STX8: variants seen among roughly 807,000 people sequenced by gnomAD.
STX8 encodes the protein syntaxin-8.
Under a neutral mutation model 37.5 loss-of-function variants are expected in STX8, and 23 were observed. The ratio of observed to expected loss-of-function variants is 0.61; its 90% CI spans 0.44 to 0.87. The LOEUF is 0.87. Among genes scored for constraint, STX8 ranks in the 40% least tolerant of loss-of-function variants. The probability of loss-of-function intolerance (pLI) is 0.00; values close to 1 mark genes in which losing one functional copy is unlikely to be tolerated. For synonymous variants in STX8, 115 were observed against 99.1 expected (o/e 1.16, Z -0.95); for missense variants, 313 against 284.7 (o/e 1.10, Z -0.71).
chr17:9,385,289 A>C (rs1254903597), intron 6 of STX8, among the ~76,000 whole-genome samples: 1 of 152,182 alleles, frequency 6.6e-6, no homozygotes, highest in Middle Eastern at 3.2e-3. Flanking sequence ...AGCATATGTA[A>C]AAGTGGACAT....
chr17:9,357,164 C>T (rs912458278), intron 7 of STX8, among the ~76,000 whole-genome samples: 1 of 151,620 alleles, frequency 6.6e-6, no homozygotes, highest in African/African-American at 2.4e-5. Context: ...GGGGTTTCGC[C>T]ATGTTGGCCA....
In STX8 at chr17:9,398,010, A is replaced by G. The variant is rs1025180747; in HGVS notation, c.542-19357T>C. ...CTCCAAAAAAAAAAAAGAAAGAAAG[A>G]ACAAACAAAATAACATGATTGAATA... is the stretch of plus-strand genomic sequence containing the variant. On this transcript the variant is annotated intron_variant, in intron 6 of 7. Transcript: ENST00000306357. Among the ~76,000 whole-genome samples the G allele has an allele frequency of 4.0e-4, 59 of 146,022 alleles. 1 individual carries two copies. The highest frequency in any genetic ancestry group is 2.1e-4 in the Admixed American group (3 of 14,434).
chr17:9,421,253 A>T (rs1474943630), intron 6 of STX8, among the ~76,000 whole-genome samples: 1 of 151,832 alleles, frequency 6.6e-6, no homozygotes, highest in Non-Finnish European at 1.5e-5. Context: ...TTAGCCGGGC[A>T]TGGTGGCGCA....
intron 7 of STX8, among the ~76,000 whole-genome samples, chr17:9,329,534 C>T (rs990926679): frequency 9.2e-5 from 14 of 152,164 alleles, no homozygotes; most frequent in African/African-American, 2.9e-4. Context: ...CAGAAAGACC[C>T]AATTATGAAG....
chr17:9,439,764 G>C (rs937178225), intron 6 of STX8, among the ~76,000 whole-genome samples: 9 of 152,000 alleles, frequency 5.9e-5, no homozygotes, highest in African/African-American at 1.9e-4. Flanking sequence ...AAAGTGCTGG[G>C]ATTACAGGCG....
At chr17:9,452,659 G>A (rs1026110279) in intron 6 of STX8, among the ~76,000 whole-genome samples, 8 of 152,144 alleles carry the variant, frequency 5.3e-5, no homozygotes, top group Admixed American at 3.3e-4. Context: ...AGGTGTAGGC[G>A]AGCACCTGAA....
intron 7 of STX8, among the ~76,000 whole-genome samples, chr17:9,313,190 TA>T (rs1313004219): frequency 6.6e-6 from 1 of 151,634 alleles, no homozygotes; most frequent in Non-Finnish European, 1.5e-5. Flanking sequence ...AAACTCTGTC[TA>T]AAAAAAAGAA....
At chr17:9,509,031 G>T (rs538092630) in intron 4 of STX8, among the ~76,000 whole-genome samples, 2 of 152,272 alleles carry the variant, frequency 1.3e-5, no homozygotes, top group East Asian at 3.9e-4. Context: ...GGCAGATCAC[G>T]ATGTCAGGAG....
At chr17:9,538,136 C>T (rs6503227) in intron 4 of STX8, among the ~76,000 whole-genome samples, 85,451 of 152,032 alleles carry the variant, frequency 0.56, 25,696 homozygotes, top group East Asian at 0.84. Flanking sequence ...TTAGTAACTC[C>T]TTGGGGTTCA....
At chr17:9,339,220 G>A (rs547090357) in intron 7 of STX8, among the ~76,000 whole-genome samples, 9 of 152,236 alleles carry the variant, frequency 5.9e-5, no homozygotes, top group African/African-American at 1.7e-4. Context: ...CTTGGCATGC[G>A]GCTGCTCAGG....
intron 6 of STX8, among the ~76,000 whole-genome samples, chr17:9,477,825 C>G (rs1304549620): frequency 6.6e-6 from 1 of 152,118 alleles, no homozygotes; most frequent in African/African-American, 2.4e-5. Flanking sequence ...GGCTGTGGCC[C>G]AAGGTGGGTG....
At chr17:9,356,423 T>A (rs1416686318) in intron 7 of STX8, among the ~76,000 whole-genome samples, 1 of 152,166 alleles carries the variant, frequency 6.6e-6, no homozygotes, top group Non-Finnish European at 1.5e-5. Context: ...GGAGAATATA[T>A]GTTGCACATC....
intron 6 of STX8, among the ~76,000 whole-genome samples, chr17:9,485,137 A>AATG (rs4063147): frequency 1.0e-3 from 157 of 152,064 alleles, no homozygotes; most frequent in African/African-American, 3.7e-3. Flanking sequence ...AAAAAAAATT[A>AATG]TAATAAGATC....
At chr17:9,493,712 CTGTTT>C (rs1567585166) in intron 5 of STX8, among the ~76,000 whole-genome samples, 1 of 152,212 alleles carries the variant, frequency 6.6e-6, no homozygotes, top group Non-Finnish European at 1.5e-5. Context: ...CCTGCTAGTT[CTGTTT>C]TGAGAGTTCT....
At position 9,557,516 on chromosome 17, in the gene STX8, T is replaced by C. The variant is rs1482386409; in HGVS notation, c.130A>G (p.Ile44Val). ...GEKAPKLTVT[I>V]RALLQNLKEK... ...TTCAGGTTCTGCAACAAAGCTCTGATTGTCACGGTAAGCTGAAAAGAAAAG... is the reference window on the plus strand; with the variant it reads ...TTCAGGTTCTGCAACAAAGCTCTGACTGTCACGGTAAGCTGAAAAGAAAAG... The change falls in exon 3 of 8, where the codon ATC (isoleucine) becomes GTC (valine). Residue 44 changes from isoleucine (I) to valine (V), a missense_variant. Physicochemically the swap from Ile to Val is conservative, Grantham distance 29 (BLOSUM62 3). Coordinates refer to ENST00000306357, the MANE Select transcript of STX8 (RefSeq NM_004853.3). The C allele has an allele frequency of 1.9e-5, 31 of 1,613,952 alleles. No homozygotes were observed. Among genetic ancestry groups the C allele is most frequent in the Non-Finnish European group, 2.6e-5 (31 of 1,179,966 alleles).
intron 7 of STX8, among the ~76,000 whole-genome samples, chr17:9,256,030 C>T (rs1404237714): frequency 6.6e-6 from 1 of 152,228 alleles, no homozygotes; most frequent in East Asian, 1.9e-4. Context: ...AGCTGAGCCA[C>T]ACCGTTCATG....
At chr17:9,524,453 T>C (rs1465847103) in intron 4 of STX8, among the ~76,000 whole-genome samples, 1 of 152,114 alleles carries the variant, frequency 6.6e-6, no homozygotes, top group African/African-American at 2.4e-5. Context: ...CCTTCAATCT[T>C]TTTTTTATAA....
chr17:9,404,463 CTT>C lies in STX8; in HGVS notation c.542-25812_542-25811del, dbSNP rs34954709. Among the ~76,000 whole-genome samples, 5 of 148,844 alleles carry C rather than the reference CTT, an allele frequency of 3.4e-5. No individual in the cohort carries two copies. The East Asian group carries it at 5.9e-4, about 18-fold the overall frequency. ...TGTCATAAAAGAAGTCAAAAGTAGT[CTT>C]TTTTTTTTTGGATGGAGTCTCGCTC... On this transcript the variant is annotated intron_variant, in intron 6 of 7. Transcript: ENST00000306357.
At chr17:9,422,645 G>T (rs1196509114) in intron 6 of STX8, among the ~76,000 whole-genome samples, 1 of 152,234 alleles carries the variant, frequency 6.6e-6, no homozygotes, top group East Asian at 1.9e-4. Flanking sequence ...ATTTATGGCT[G>T]AATAACATTC....
Sources: allele counts gnomAD v4.1 joint callset (sites outside exome capture counted in the v4.1 genomes callset), GRCh38; gene constraint gnomAD v4.1.1; transcripts MANE v1.5; gene names NCBI Gene and HGNC (gene_info 2026-07-23, HGNC 2026-07-21).